Variants in TMEM117 observed in about 807,000 individuals in gnomAD.
TMEM117 encodes the protein transmembrane protein 117.
A neutral mutation model predicts 52.4 loss-of-function variants in TMEM117; 27 were observed. The observed-to-expected ratio is 0.51, with a 90% CI of 0.38 to 0.71. The LOEUF (loss-of-function observed/expected upper bound fraction) is 0.71, where lower values mean the gene tolerates loss of function less well. Among genes scored for constraint, TMEM117 ranks in the 30% least tolerant of loss-of-function variants. The probability of loss-of-function intolerance (pLI) is 0.00; values close to 1 mark genes in which losing one functional copy is unlikely to be tolerated. For missense variants in TMEM117, 556 were observed against 630.5 expected (o/e 0.88, Z 1.26); for synonymous variants, 215 against 206.3 (o/e 1.04, Z -0.36).
chr12:44,076,470 A>G (rs934161578), intron 3 of TMEM117, among the ~76,000 whole-genome samples: 17 of 152,330 alleles, frequency 1.1e-4, no homozygotes, highest in Admixed American at 4.6e-4. Flanking sequence ...TCTTCTTTAT[A>G]AAAACTAATA....
intron 6 of TMEM117, chr12:44,376,350 T>G: frequency 2.0e-6 from 1 of 508,418 alleles, no homozygotes; most frequent in Non-Finnish European, 3.5e-6. Context: ...AATTCTGTAT[T>G]GGTTTCTTAT....
intron 6 of TMEM117, among the ~76,000 whole-genome samples, chr12:44,361,517 G>A (rs544789412): frequency 3.3e-5 from 5 of 152,198 alleles, no homozygotes; most frequent in African/African-American, 1.2e-4. Context: ...GATGTCTTTG[G>A]TATTCCAAGG....
intron 2 of TMEM117, among the ~76,000 whole-genome samples, chr12:43,888,495 G>C (rs1320418461): frequency 1.3e-5 from 2 of 151,444 alleles, no homozygotes; most frequent in African/African-American, 4.8e-5. Flanking sequence ...GAGAAGTTAG[G>C]GGATATTTAT....
intron 3 of TMEM117, among the ~76,000 whole-genome samples, chr12:44,014,048 A>G (rs890021653): frequency 6.6e-6 from 1 of 152,090 alleles, no homozygotes; most frequent in Non-Finnish European, 1.5e-5. Context: ...CTCAGATACA[A>G]CTGTGGACTA....
chr12:44,120,320 A>G (rs1349109506), intron 3 of TMEM117, among the ~76,000 whole-genome samples: 1 of 152,210 alleles, frequency 6.6e-6, no homozygotes, highest in Non-Finnish European at 1.5e-5. Flanking sequence ...AAATTATCAA[A>G]GCAATGTTAA....
chr12:44,080,154 A>T (rs906742015), intron 3 of TMEM117, among the ~76,000 whole-genome samples: 6 of 152,152 alleles, frequency 3.9e-5, no homozygotes, highest in South Asian at 2.1e-4. Flanking sequence ...ATGTTTTATT[A>T]GTCTGTTCTC....
At chr12:43,924,476 A>G (rs1196409404) in intron 2 of TMEM117, among the ~76,000 whole-genome samples, 1 of 152,226 alleles carries the variant, frequency 6.6e-6, no homozygotes, top group East Asian at 1.9e-4. Context: ...ACTGACATTT[A>G]CTACATAAAA....
chr12:44,086,798 A>G (rs778883263), intron 3 of TMEM117, among the ~76,000 whole-genome samples: 24 of 152,112 alleles, frequency 1.6e-4, no homozygotes, highest in Non-Finnish European at 2.8e-4. Flanking sequence ...TGAGCATAGT[A>G]CATGAGGTCC....
intron 3 of TMEM117, among the ~76,000 whole-genome samples, chr12:44,062,956 T>C (rs994374291): frequency 6.6e-6 from 1 of 152,200 alleles, no homozygotes; most frequent in Non-Finnish European, 1.5e-5. Flanking sequence ...AACCTAAAAA[T>C]GTAATGTTAA....
chr12:44,176,760 A>G (rs1270445301), intron 4 of TMEM117, among the ~76,000 whole-genome samples: 3 of 152,126 alleles, frequency 2.0e-5, no homozygotes, highest in East Asian at 3.8e-4. Flanking sequence ...TCACTTGACT[A>G]TAACCATTTC....
chr12:44,380,275 T>C (rs971608501), intron 7 of TMEM117, among the ~76,000 whole-genome samples: 1 of 152,102 alleles, frequency 6.6e-6, no homozygotes, highest in African/African-American at 2.4e-5. Flanking sequence ...CAGAGGAGAC[T>C]ATGATTGGGG....
At chr12:43,883,376 C>T (rs143384805) in intron 2 of TMEM117, among the ~76,000 whole-genome samples, 16 of 152,200 alleles carry the variant, frequency 1.1e-4, no homozygotes, top group Non-Finnish European at 1.8e-4. Context: ...TCTTCATCAC[C>T]GCATTTCATA....
At chr12:43,970,239 T>C (rs1016633649) in intron 3 of TMEM117, among the ~76,000 whole-genome samples, 6 of 152,106 alleles carry the variant, frequency 3.9e-5, no homozygotes, top group Non-Finnish European at 8.8e-5. Flanking sequence ...TGTGCAAGAG[T>C]AATGATGGTG....
intron 3 of TMEM117, among the ~76,000 whole-genome samples, chr12:43,994,799 A>G (rs911677209): frequency 2.0e-5 from 3 of 152,090 alleles, no homozygotes; most frequent in African/African-American, 7.2e-5. Context: ...TCTTCGTTGG[A>G]CTGGGAAGAG....
At chr12:43,872,037 G>A (rs2137429226) in intron 2 of TMEM117, among the ~76,000 whole-genome samples, 1 of 152,228 alleles carries the variant, frequency 6.6e-6, no homozygotes, top group South Asian at 2.1e-4. Context: ...TGGACTACAG[G>A]AGTGAGCCAC....
At chr12:44,306,152 C>T (rs1388099883) in intron 6 of TMEM117, among the ~76,000 whole-genome samples, 1 of 152,038 alleles carries the variant, frequency 6.6e-6, no homozygotes, top group Non-Finnish European at 1.5e-5. Flanking sequence ...GGGGAATGGA[C>T]CGAAAAACTA....
intron 3 of TMEM117, among the ~76,000 whole-genome samples, chr12:44,069,564 C>T (rs1204544383): frequency 1.3e-5 from 2 of 152,016 alleles, no homozygotes; most frequent in Admixed American, 1.3e-4. Context: ...GAGATGAGGT[C>T]AGAAAGTTCA....
chr12:43,963,372 G>T (rs192216467), intron 3 of TMEM117, among the ~76,000 whole-genome samples: 243 of 152,220 alleles, frequency 1.6e-3, no homozygotes, highest in African/African-American at 5.6e-3. Flanking sequence ...AAAGTTATGA[G>T]TAACAAAGAG....
the TMEM117 span, among the ~76,000 whole-genome samples, chr12:43,814,789 G>C: frequency 7.0e-6 from 1 of 142,968 alleles, no homozygotes; most frequent in East Asian, 2.0e-4. Flanking sequence ...TTGTCCCTCA[G>C]GCTGGAGTGG....
Sources: gnomAD v4.1 joint callset for allele counts (sites outside exome capture counted in the v4.1 genomes callset) on GRCh38, gnomAD v4.1.1 for gene constraint, MANE v1.5 for transcripts, NCBI Gene and HGNC (gene_info 2026-07-23, HGNC 2026-07-21) for gene names.